SSBP2: variants seen among roughly 807,000 people sequenced by gnomAD.
The protein encoded by SSBP2 is single stranded DNA binding protein 2, also known as single-stranded DNA-binding protein 2.
In SSBP2, 17 loss-of-function variants were observed where a neutral mutation model predicts 61.8. The observed-to-expected ratio is 0.28, with a 90% CI of 0.19 to 0.41. The LOEUF (loss-of-function observed/expected upper bound fraction) is 0.41. SSBP2 is among the 10% of genes least tolerant of loss of function. The pLI is 1.00. For missense variants in SSBP2, 310 were observed against 458.7 expected, an observed-to-expected ratio of 0.68 and a Z score of 2.96; for synonymous variants, 139 against 141.3, an observed-to-expected ratio of 0.98 and a Z score of 0.12.
At chr5:81,687,656 C>G (rs892821944) in intron 1 of SSBP2, among the ~76,000 whole-genome samples, 7 of 152,228 alleles carry the variant, frequency 4.6e-5, no homozygotes, top group Admixed American at 1.3e-4. Context: ...ACTTGAAAAC[C>G]AGCTCGGTCA....
At position 81,489,033 on chromosome 5, in the gene SSBP2, C is replaced by G. The variant is rs140447955; in HGVS notation, c.432+217G>C. On this transcript the variant is annotated intron_variant, in intron 6 of 16. Coordinates refer to ENST00000320672, the MANE Select transcript of SSBP2 (RefSeq NM_012446.5). ...AGTGTAAAAGTAGTCACAGACAATACAGAAATAGATCTGTGTGGATGTTTT... is the reference window on the plus strand; with the variant it reads ...AGTGTAAAAGTAGTCACAGACAATAGAGAAATAGATCTGTGTGGATGTTTT... Among the ~76,000 whole-genome samples, 1,347 of 152,018 alleles carry G rather than the reference C, an allele frequency of 8.9e-3. 21 individuals carry two copies. The highest frequency in any genetic ancestry group is 0.03 in the African/African-American group (1,264 of 41,456).
chr5:81,731,481 C>T (rs1437943225), intron 1 of SSBP2, among the ~76,000 whole-genome samples: 3 of 152,070 alleles, frequency 2.0e-5, no homozygotes, highest in Non-Finnish European at 4.4e-5. Context: ...GATTTCCTGG[C>T]GGCCTTAATA....
intron 4 of SSBP2, among the ~76,000 whole-genome samples, chr5:81,542,829 C>CTCTCTCTCTCTCTT (rs1554083528): frequency 6.8e-6 from 1 of 146,784 alleles, no homozygotes; most frequent in African/African-American, 2.6e-5. Context: ...CTCTCTCTCT[C>CTCTCTCTCTCTCTT]TCTCTCTCTC....
rs115785067 is a variant in SSBP2, at chr5:81,710,629, C to T, written c.62+40352G>A. On this transcript the variant is annotated intron_variant, in intron 1 of 16. Coordinates refer to ENST00000320672, the MANE Select transcript of SSBP2 (RefSeq NM_012446.5). Reference sequence around the variant, plus strand: ...TTATTCTTAACTGACAAGCACAAACCTACAAATAGGAAACTAAAAAGCACA... The same window carrying T: ...TTATTCTTAACTGACAAGCACAAACTTACAAATAGGAAACTAAAAAGCACA... The T allele has an allele frequency of 1.7e-3, 743 of 448,210 alleles. 8 individuals are homozygous for T. The highest frequency in any genetic ancestry group is 0.012 in the African/African-American group (613 of 49,724). The allele number at this position is 448,210 out of a possible 1,614,324, so 27.8% of individuals were successfully genotyped here.
chr5:81,471,241 A>G (rs532044876), intron 8 of SSBP2, among the ~76,000 whole-genome samples: 32 of 151,882 alleles, frequency 2.1e-4, no homozygotes, highest in African/African-American at 7.5e-4. Context: ...TAGCTATTAA[A>G]ACTCATCAAT....
At position 81,552,365 on chromosome 5, in the gene SSBP2, C is replaced by T. The variant is rs954935751; in HGVS notation, c.283-38648G>A. Among the ~76,000 whole-genome samples, 12 of 152,196 alleles carry T rather than the reference C, an allele frequency of 7.9e-5. No homozygotes were observed. The East Asian group carries it at 2.3e-3, about 29-fold the overall frequency. On this transcript the variant is annotated intron_variant, in intron 4 of 16. Coordinates refer to ENST00000320672, the MANE Select transcript of SSBP2 (RefSeq NM_012446.5). ...GTCAAAACAAAGTAAAGGCCGGGCA[C>T]GGTGGCTCATGTCTGGTGATCCCAA...
intron 12 of SSBP2, among the ~76,000 whole-genome samples, chr5:81,446,211 A>G (rs1561408889): frequency 6.6e-6 from 1 of 150,842 alleles, no homozygotes; most frequent in Non-Finnish European, 1.5e-5. Context: ...TTTTCTAAGA[A>G]GGGTGCGCCA....
chr5:81,464,509 A>G (rs902442193), intron 9 of SSBP2, among the ~76,000 whole-genome samples: 1 of 152,188 alleles, frequency 6.6e-6, no homozygotes, highest in Non-Finnish European at 1.5e-5. Flanking sequence ...TTTTTAAACA[A>G]TAAGGTTACC....
At chr5:81,461,485 C>T (rs1396967848) in intron 9 of SSBP2, among the ~76,000 whole-genome samples, 1 of 151,822 alleles carries the variant, frequency 6.6e-6, no homozygotes, top group African/African-American at 2.4e-5. Context: ...TATGAGCTTC[C>T]TGTATCTCAT....
At chr5:81,750,071 G>A (rs1002976392) in intron 1 of SSBP2, among the ~76,000 whole-genome samples, 22 of 149,900 alleles carry the variant, frequency 1.5e-4, no homozygotes, top group Non-Finnish European at 2.5e-4. Flanking sequence ...GGGGCTGCCA[G>A]CCTCACAAAA....
intron 10 of SSBP2, among the ~76,000 whole-genome samples, chr5:81,453,882 GAT>G (rs1164184036): frequency 6.6e-6 from 1 of 152,186 alleles, no homozygotes; most frequent in Non-Finnish European, 1.5e-5. Context: ...AAAAAGAAAA[GAT>G]ATTAATACAA....
rs1037507209 is a variant in SSBP2 at position 81,417,661 on chromosome 5, A to G, written c.*2843T>C. 1 of 152,208 alleles carries G rather than the reference A, an allele frequency of 6.6e-6. No individual in the cohort carries two copies. Among genetic ancestry groups the G allele is most frequent in the African/African-American group, 2.4e-5 (1 of 41,466 alleles). The allele number at this position is 152,208 out of a possible 1,614,324, so 9.4% of individuals were successfully genotyped here. ...ATAAGGGTTAAATGATTCAAAATCT[A>G]AACAAAAATTAATATACAGATATAC... On this transcript the variant is annotated 3_prime_UTR_variant, in exon 17 of 17. Coordinates refer to ENST00000320672, the MANE Select transcript of SSBP2 (RefSeq NM_012446.5).
chr5:81,730,161 CT>C (rs1756160291), intron 1 of SSBP2, among the ~76,000 whole-genome samples: 1 of 152,116 alleles, frequency 6.6e-6, no homozygotes, highest in Non-Finnish European at 1.5e-5. Context: ...ATCACAAGTA[CT>C]TTTTACTCTA....
intron 4 of SSBP2, among the ~76,000 whole-genome samples, chr5:81,531,410 C>A (rs1770398905): frequency 6.6e-6 from 1 of 151,444 alleles, no homozygotes; most frequent in South Asian, 2.1e-4. Context: ...ATAAATAAGA[C>A]AAGATTATAG....
intron 1 of SSBP2, among the ~76,000 whole-genome samples, chr5:81,727,015 A>G (rs185184182): frequency 1.4e-4 from 21 of 152,284 alleles, no homozygotes; most frequent in Non-Finnish European, 2.4e-4. Context: ...TTGGGAAAGG[A>G]AAGTGTTCAT....
chr5:81,719,096 A>G (rs375257098), intron 1 of SSBP2, among the ~76,000 whole-genome samples: 1 of 152,152 alleles, frequency 6.6e-6, no homozygotes, highest in African/African-American at 2.4e-5. Context: ...TATTCCTACA[A>G]TGTTTCTAGT....
chr5:81,564,627 C>T (rs1178920449), intron 4 of SSBP2, among the ~76,000 whole-genome samples: 1 of 152,154 alleles, frequency 6.6e-6, no homozygotes, highest in African/African-American at 2.4e-5. Context: ...AACCAAGTTA[C>T]CCATTCTCAT....
intron 2 of SSBP2, among the ~76,000 whole-genome samples, chr5:81,644,365 A>G (rs1364936035): frequency 1.3e-5 from 2 of 152,226 alleles, no homozygotes; most frequent in South Asian, 2.1e-4. Context: ...TTGACTTTCT[A>G]TGTAACAAGA....
At chr5:81,736,424 T>C (rs1443168642) in intron 1 of SSBP2, among the ~76,000 whole-genome samples, 2 of 152,014 alleles carry the variant, frequency 1.3e-5, no homozygotes. Flanking sequence ...TTGAGGGAGG[T>C]ATTTATTGGA....
Sources: allele counts gnomAD v4.1 joint callset (sites outside exome capture counted in the v4.1 genomes callset), GRCh38; gene constraint gnomAD v4.1.1; transcripts MANE v1.5; gene names NCBI Gene and HGNC (gene_info 2026-07-23, HGNC 2026-07-21).